The following LIFR variants were observed in gnomAD, a reference collection of about 807,000 sequenced individuals.
The protein encoded by LIFR is LIF receptor subunit alpha, also known as leukemia inhibitory factor receptor.
LIFR carries 84 observed loss-of-function variants against 122.2 expected under a neutral mutation model. The ratio of observed to expected loss-of-function variants is 0.69; its 90% CI spans 0.58 to 0.82. The LOEUF is 0.82. Ranked by LOEUF, LIFR falls within the 40% of genes least tolerant of loss-of-function variation. The pLI is 0.00. For missense variants in LIFR, 1,294 were observed against 1,311.6 expected (o/e 0.99, Z 0.21); for synonymous variants, 422 against 434.7 (o/e 0.97, Z 0.36).
At chr5:38,578,168 C>A (rs1430304296) in intron 1 of LIFR, among the ~76,000 whole-genome samples, 1 of 147,108 alleles carries the variant, frequency 6.8e-6, no homozygotes, top group Non-Finnish European at 1.5e-5. Flanking sequence ...TGAGAATATT[C>A]TTTTATTTTC....
intron 1 of LIFR, among the ~76,000 whole-genome samples, chr5:38,589,564 A>T (rs537554322): frequency 1.0e-3 from 152 of 152,300 alleles, no homozygotes; most frequent in African/African-American, 3.4e-3. Context: ...CATCAAATTT[A>T]AAAAAATGGG....
At chr5:38,503,921 T>C in intron 10 of LIFR, 55 bp downstream of exon 10, 1 of 1,283,306 alleles carries the variant, frequency 7.8e-7, no homozygotes, top group South Asian at 1.2e-5. Context: ...TTAATTCTTT[T>C]TGAGAACTAT....
Position 38,496,599 on chromosome 5 carries a change from T to C in LIFR, c.1672-4A>G, listed in dbSNP as rs1207734003. ...TAGCTTCATTAATGGGTAAAGGCTA[T>C]GAAAAACAGACAAATTGTTATAAAA... On this transcript the variant is annotated splice_region_variant and splice_polypyrimidine_tract_variant and intron_variant, in intron 12 of 19. Transcript: ENST00000453190. 1.9e-6 allele frequency: 3 copies of C among 1,597,924 alleles called. No homozygotes were observed. Among genetic ancestry groups the C allele is most frequent in the East Asian group, 2.2e-5 (1 of 44,796 alleles).
intron 1 of LIFR, among the ~76,000 whole-genome samples, chr5:38,533,362 T>C (rs1257060721): frequency 6.6e-6 from 1 of 152,210 alleles, no homozygotes; most frequent in African/African-American, 2.4e-5. Context: ...TCTTTACACA[T>C]ATGCTGACTT....
intron 5 of LIFR, among the ~76,000 whole-genome samples, chr5:38,519,459 T>A (rs1368859618): frequency 1.3e-5 from 2 of 152,092 alleles, no homozygotes; most frequent in Admixed American, 6.5e-5. Context: ...CATTTCTGTG[T>A]TGGGAACATT....
chr5:38,530,787 T>C lies in LIFR; in HGVS notation c.-19-121A>G. On this transcript the variant is annotated intron_variant, in intron 1 of 19. Coordinates refer to ENST00000453190, the MANE Select transcript of LIFR (RefSeq NM_001127671.2). ...CTGAAACACTGTACATTTAGAGACT[T>C]TGGAGATACTCAAACTCAAGCTTCC... 3.3e-6 allele frequency: 3 copies of C among 914,194 alleles called. No individual in the cohort carries two copies. The South Asian group carries it at 4.2e-5, about 13-fold the overall frequency. 56.6% of individuals were successfully genotyped at this position (914,194 alleles called of 1,614,324 possible).
intron 1 of LIFR, among the ~76,000 whole-genome samples, chr5:38,532,207 C>G (rs1357188426): frequency 6.6e-6 from 1 of 152,154 alleles, no homozygotes; most frequent in African/African-American, 2.4e-5. Context: ...GAGACACAGG[C>G]CCTACAGCCA....
chr5:38,553,967 C>T (rs957093878), intron 1 of LIFR, among the ~76,000 whole-genome samples: 1 of 151,940 alleles, frequency 6.6e-6, no homozygotes, highest in Admixed American at 6.6e-5. Flanking sequence ...AAATCTGTAA[C>T]CATATTATAC....
chr5:38,600,310 G>A (rs959483857), upstream of LIFR, among the ~76,000 whole-genome samples: 13 of 152,210 alleles, frequency 8.5e-5, no homozygotes, highest in Non-Finnish European at 1.5e-4. Flanking sequence ...AGGATCTTCT[G>A]AGGGCTGTAT....
At chr5:38,591,615 A>T (rs1749924042) in intron 1 of LIFR, among the ~76,000 whole-genome samples, 1 of 152,194 alleles carries the variant, frequency 6.6e-6, no homozygotes, top group Non-Finnish European at 1.5e-5. Context: ...CACCATATAG[A>T]CTATTCACAA....
intron 16 of LIFR, 103 bp downstream of exon 16, chr5:38,488,975 G>C (rs146272036): frequency 2.2e-6 from 2 of 892,386 alleles, no homozygotes; most frequent in Non-Finnish European, 3.6e-6. Context: ...AGATAGTTTT[G>C]AAAACCAGTA....
intron 2 of LIFR, among the ~76,000 whole-genome samples, chr5:38,603,561 A>G (rs1750263987): frequency 6.6e-6 from 1 of 152,210 alleles, no homozygotes; most frequent in Non-Finnish European, 1.5e-5. Flanking sequence ...CTTACAACGT[A>G]TGTGCAAGAA....
intron 11 of LIFR, 42 bp from the exon 12 acceptor site, chr5:38,499,625 T>A: frequency 1.5e-6 from 2 of 1,308,674 alleles, no homozygotes; most frequent in South Asian, 1.2e-5. Context: ...AGACACATAC[T>A]ATATGTATAT....
rs761108019 is a variant in LIFR, at chr5:38,485,975, A to T, written c.2341T>A (p.Ser781Thr). Residue 781 changes from serine (S) to threonine (T), a missense_variant, in exon 17 of 20, where the codon TCT becomes ACT. By Grantham distance (58) the Ser-to-Thr change is moderately conservative. Coordinates refer to ENST00000453190, the MANE Select transcript of LIFR (RefSeq NM_001127671.2). ...GTAATATTCTTAACTTTTATGTCAG[A>T]ACGACCTATTTTTAAAATGAAGTAT... ...SKMRVLESGR[S>T]DIKVKNITDI... 6.2e-7 allele frequency: 1 copy of T among 1,611,982 alleles called. No homozygotes were observed. The highest frequency in any genetic ancestry group is 8.5e-7 in the Non-Finnish European group (1 of 1,178,056).
At chr5:38,497,932 T>C (rs1010357428) in intron 12 of LIFR, among the ~76,000 whole-genome samples, 1 of 152,244 alleles carries the variant, frequency 6.6e-6, no homozygotes, top group African/African-American at 2.4e-5. Context: ...GGTGAACTTT[T>C]TTGTGCCACT....
At chr5:38,587,554 C>A (rs1483871568) in intron 1 of LIFR, among the ~76,000 whole-genome samples, 1 of 151,650 alleles carries the variant, frequency 6.6e-6, no homozygotes, top group Non-Finnish European at 1.5e-5. Flanking sequence ...AGGCAGGGAC[C>A]AGATGCTGTG....
chr5:38,477,424 T>C lies in LIFR; in HGVS notation c.*4171A>G, dbSNP rs1362070421. On this transcript the variant is annotated 3_prime_UTR_variant, in exon 20 of 20. Transcript: ENST00000453190. ...TTCAGCAGGAAATAAAGACTTAAAA[T>C]AAATGCTTTCAAGAAATAGTTTATC... 4.7e-6 allele frequency: 1 copy of C among 212,792 alleles called. No individual in the cohort carries two copies. The highest frequency in any genetic ancestry group is 2.3e-5 in the African/African-American group (1 of 44,234). The allele number at this position is 212,792 out of a possible 1,614,324, so 13.2% of individuals were successfully genotyped here.
chr5:38,491,543 G>T (rs1192862766), intron 14 of LIFR, among the ~76,000 whole-genome samples: 1 of 152,188 alleles, frequency 6.6e-6, no homozygotes, highest in African/African-American at 2.4e-5. Context: ...GGACACGCAG[G>T]GGGGATTGGC....
chr5:38,515,973 C>T (rs933710643), intron 5 of LIFR, among the ~76,000 whole-genome samples: 2 of 152,156 alleles, frequency 1.3e-5, no homozygotes, highest in Non-Finnish European at 2.9e-5. Context: ...AATGACTGAT[C>T]ACAAGCAATT....
Sources: gnomAD v4.1 joint callset for allele counts (sites outside exome capture counted in the v4.1 genomes callset) on GRCh38, gnomAD v4.1.1 for gene constraint, MANE v1.5 for transcripts, NCBI Gene and HGNC (gene_info 2026-07-23, HGNC 2026-07-21) for gene names.